PPP2R2C: variants seen among roughly 807,000 people sequenced by gnomAD.
PPP2R2C encodes the protein protein phosphatase 2 regulatory subunit Bgamma, also known as protein phosphatase 2, regulatory subunit B, gamma.
A neutral mutation model predicts 45.3 loss-of-function variants in PPP2R2C; 10 were observed. The observed-to-expected ratio is 0.22, with a 90% confidence interval of 0.14 to 0.37. PPP2R2C has a LOEUF of 0.37. PPP2R2C is among the 10% of genes least tolerant of loss of function. The pLI is 1.00. For missense variants in PPP2R2C, 308 were observed against 619.7 expected (o/e 0.50, Z 5.34); for synonymous variants, 257 against 245.4 (o/e 1.05, Z -0.44).
intron 2 of PPP2R2C, among the ~76,000 whole-genome samples, chr4:6,496,877 A>ATAAATAAG (rs1381497398): frequency 6.6e-6 from 1 of 151,188 alleles, no homozygotes; most frequent in African/African-American, 2.4e-5. Flanking sequence ...AAATAAATAA[A>ATAAATAAG]TAAATAAATA....
chr4:6,406,630 A>G (rs1288298008), intron 1 of PPP2R2C, among the ~76,000 whole-genome samples: 1 of 152,090 alleles, frequency 6.6e-6, no homozygotes, highest in African/African-American at 2.4e-5. Flanking sequence ...GGTGGCACGC[A>G]CCTGTAATCT....
intron 1 of PPP2R2C, among the ~76,000 whole-genome samples, chr4:6,461,720 T>C (rs1721329356): frequency 6.6e-6 from 1 of 152,204 alleles, no homozygotes; most frequent in Admixed American, 6.5e-5. Flanking sequence ...CTGGTATTAA[T>C]CAGAGTAACA....
chr4:6,338,677 C>A (rs1733189474), intron 6 of PPP2R2C, among the ~76,000 whole-genome samples: 1 of 152,174 alleles, frequency 6.6e-6, no homozygotes, highest in Non-Finnish European at 1.5e-5. Context: ...TGCTGCCTCA[C>A]ACACGCAAGT....
At chr4:6,384,337 C>A in intron 1 of PPP2R2C, 1 of 985,412 alleles carries the variant, frequency 1.0e-6, no homozygotes. Context: ...GTGAAATAAG[C>A]AAAGAAACTG....
chr4:6,433,116 A>G (rs1490269426), intron 1 of PPP2R2C, among the ~76,000 whole-genome samples: 3 of 152,148 alleles, frequency 2.0e-5, no homozygotes, highest in Non-Finnish European at 4.4e-5. Flanking sequence ...TGGAAGTCCA[A>G]TCAAGAGGAG....
rs763991240 is a variant in PPP2R2C, at chr4:6,364,717, C to T, written c.625+7806G>A. Among the ~76,000 whole-genome samples, 14 of 152,148 alleles carry T rather than the reference C, an allele frequency of 9.2e-5. No individual in the cohort carries two copies. Among genetic ancestry groups the T allele is most frequent in the East Asian group, 3.9e-4 (2 of 5,178 alleles). On this transcript the variant is annotated intron_variant, in intron 5 of 8. Coordinates refer to ENST00000382599, the MANE Select transcript of PPP2R2C (RefSeq NM_020416.4). The surrounding 1 kb of genome is among the most constrained non-coding windows in gnomAD (Gnocchi z 5.3). ...AGAACCCAAGTGAGCTGCCCGAGGC[C>T]GCGGAGTCCCTATGTCTTGGGGCCA...
At chr4:6,465,682 G>GATAAA (rs1721558589) in intron 1 of PPP2R2C, among the ~76,000 whole-genome samples, 1 of 151,378 alleles carries the variant, frequency 6.6e-6, no homozygotes, top group African/African-American at 2.4e-5. Flanking sequence ...AACTCTTAGC[G>GATAAA]TGCATTTTAT....
chr4:6,360,486 C>T (rs1409713457), intron 5 of PPP2R2C, among the ~76,000 whole-genome samples: 2 of 152,170 alleles, frequency 1.3e-5, no homozygotes, highest in African/African-American at 4.8e-5. Flanking sequence ...CGGCAGGAGC[C>T]TGCTCTCAGG....
intron 6 of PPP2R2C, among the ~76,000 whole-genome samples, chr4:6,341,123 C>T (rs1733409016): frequency 6.6e-6 from 1 of 152,230 alleles, no homozygotes; most frequent in African/African-American, 2.4e-5. Flanking sequence ...GGACAGATCA[C>T]CTGACGTCAG....
intron 4 of PPP2R2C, 98 bp downstream of exon 4, chr4:6,375,721 C>T (rs762293652): frequency 5.7e-6 from 6 of 1,060,578 alleles, no homozygotes; most frequent in South Asian, 4.5e-5. Flanking sequence ...CCAGGGTCTG[C>T]ACCTGACTCT....
In PPP2R2C at chr4:6,349,746, A is replaced by AC. The variant is rs386399149; in HGVS notation, c.626-1737_626-1736insG. 52 of 688,900 alleles carry AC rather than the reference A, an allele frequency of 7.5e-5. 1 individual carries two copies. Among genetic ancestry groups the AC allele is most frequent in the Non-Finnish European group, 9.1e-5 (51 of 559,784 alleles). The allele number at this position is 688,900 out of a possible 1,614,324, so 42.7% of individuals were successfully genotyped here. On this transcript the variant is annotated intron_variant, in intron 5 of 8. Coordinates refer to ENST00000382599, the MANE Select transcript of PPP2R2C (RefSeq NM_020416.4). ...GCAAAACCCCATCTCTACTAAAAAA[A>AC]AATTAGTAGTGGCGTATGCCTGTAG...
At chr4:6,347,542 C>A (rs1712102790) in intron 6 of PPP2R2C, among the ~76,000 whole-genome samples, 3 of 152,118 alleles carry the variant, frequency 2.0e-5, no homozygotes, top group African/African-American at 7.2e-5. Context: ...AGCTTTCCTA[C>A]AGGAGGTGAC....
chr4:6,411,725 T>G (rs890961857), intron 1 of PPP2R2C, among the ~76,000 whole-genome samples: 1 of 152,126 alleles, frequency 6.6e-6, no homozygotes, highest in Non-Finnish European at 1.5e-5. Flanking sequence ...GCTAATTTTT[T>G]GTATTTTTAG....
chr4:6,327,568 C>T (rs1577066914), intron 8 of PPP2R2C, among the ~76,000 whole-genome samples: 3 of 152,250 alleles, frequency 2.0e-5, no homozygotes, highest in South Asian at 2.1e-4. Context: ...AGGTCCCTCT[C>T]GTCCGATTTG....
At position 6,368,709 on chromosome 4, in the gene PPP2R2C, T is replaced by C. The variant is rs1055300787; in HGVS notation, c.625+3814A>G. ...TGACACCTCCATCCTTACAATCTCA[T>C]TCCTCCACCGCCTCCCACCCGTGGC... On this transcript the variant is annotated intron_variant, in intron 5 of 8. Coordinates refer to ENST00000382599, the MANE Select transcript of PPP2R2C (RefSeq NM_020416.4). The surrounding 1 kb of genome is among the most constrained non-coding windows in gnomAD (Gnocchi z 4.2). Among the ~76,000 whole-genome samples the C allele has an allele frequency of 1.3e-5, 2 of 151,978 alleles. No homozygotes were observed. The highest frequency in any genetic ancestry group is 4.8e-5 in the African/African-American group (2 of 41,392).
chr4:6,527,394 C>T (rs1261986388), intron 2 of PPP2R2C, among the ~76,000 whole-genome samples: 7 of 152,106 alleles, frequency 4.6e-5, no homozygotes, highest in African/African-American at 9.7e-5. Flanking sequence ...CAGTGCCAGG[C>T]GGAACAGAAC....
At chr4:6,389,861 G>T (rs1716480320) in intron 1 of PPP2R2C, among the ~76,000 whole-genome samples, 1 of 152,198 alleles carries the variant, frequency 6.6e-6, no homozygotes, top group African/African-American at 2.4e-5. Flanking sequence ...GCAGGGGAGA[G>T]ATTGGATTCC....
chr4:6,436,933 G>C (rs4522940), intron 1 of PPP2R2C, among the ~76,000 whole-genome samples: 39,399 of 152,160 alleles, frequency 0.26, 5,714 homozygotes, highest in Admixed American at 0.41. Flanking sequence ...TTGGTTCACA[G>C]ATGGGCTTTG....
In PPP2R2C at chr4:6,457,195, G is replaced by A. The variant is rs150347216; in HGVS notation, c.70+14965C>T. Among the ~76,000 whole-genome samples the A allele has an allele frequency of 5.0e-4, 52 of 103,428 alleles. No individual in the cohort carries two copies. The East Asian group carries it at 0.015, about 30-fold the overall frequency. 67.9% of individuals were successfully genotyped at this position (103,428 alleles called of 152,430 possible). ...TGTACCCCGACCTGGGCGACAGAGC[G>A]AGACTCCATCTCAAAAAAAAAAAAA... is the stretch of plus-strand genomic sequence containing the variant. On this transcript the variant is annotated intron_variant, in intron 1 of 8. Transcript: ENST00000382599.
Sources: allele counts gnomAD v4.1 joint callset (sites outside exome capture counted in the v4.1 genomes callset), GRCh38; gene constraint gnomAD v4.1.1; non-coding constraint Gnocchi (gnomAD v3.1); transcripts MANE v1.5; gene names NCBI Gene and HGNC (gene_info 2026-07-23, HGNC 2026-07-21).